Variants in CCDC148 observed in about 807,000 individuals in gnomAD.
CCDC148 encodes coiled-coil domain containing 148, also known as coiled-coil domain-containing protein 148.
In CCDC148, 89 loss-of-function variants were observed where a neutral mutation model predicts 85.7. The ratio of observed to expected loss-of-function variants is 1.04; its 90% confidence interval spans 0.87 to 1.24. The LOEUF is 1.24. Among genes scored for constraint, CCDC148 ranks in the 50% most tolerant of loss-of-function variants. The pLI is 0.00. For missense variants in CCDC148, 692 were observed against 671.7 expected (o/e 1.03, Z -0.33); for synonymous variants, 230 against 213.9 (o/e 1.08, Z -0.66).
At chr2:158,286,935 T>A (rs1690655631) in intron 9 of CCDC148, among the ~76,000 whole-genome samples, 1 of 152,084 alleles carries the variant, frequency 6.6e-6, no homozygotes, top group Non-Finnish European at 1.5e-5. Context: ...ATGCTGCTGA[T>A]AAAGGTATAC....
In CCDC148 at chr2:158,197,593, T is replaced by G. The variant is rs368515018; in HGVS notation, c.1371-18597A>C. On this transcript the variant is annotated intron_variant, in intron 11 of 13. Transcript: ENST00000283233. ...TCTGATAAAGTCACTGAAGTTATTT[T>G]GCTGGAGAGCATAAGAGAGCCTCTA... 3.0e-4 allele frequency among the ~76,000 whole-genome samples: 46 copies of G among 152,320 alleles called. 1 individual carries two copies. Among genetic ancestry groups the G allele is most frequent in the African/African-American group, 1.0e-3 (42 of 41,578 alleles).
chr2:158,400,701 G>A (rs1685741180), intron 1 of CCDC148, among the ~76,000 whole-genome samples: 1 of 152,124 alleles, frequency 6.6e-6, no homozygotes, highest in Admixed American at 6.6e-5. Context: ...AGCCAAAATT[G>A]ACAAATGGGA....
intron 10 of CCDC148, among the ~76,000 whole-genome samples, chr2:158,246,993 T>A (rs1688595292): frequency 6.6e-6 from 1 of 152,128 alleles, no homozygotes; most frequent in Non-Finnish European, 1.5e-5. Context: ...GAAGCATAAT[T>A]CATAAGAAAC....
At chr2:158,432,144 T>A (rs1230011160) in intron 1 of CCDC148, among the ~76,000 whole-genome samples, 1 of 151,566 alleles carries the variant, frequency 6.6e-6, no homozygotes, top group South Asian at 2.1e-4. Flanking sequence ...AAATTATAAC[T>A]AATAATATCA....
chr2:158,271,814 A>AT (rs1477314720), intron 9 of CCDC148, among the ~76,000 whole-genome samples: 1 of 152,134 alleles, frequency 6.6e-6, no homozygotes, highest in Non-Finnish European at 1.5e-5. Flanking sequence ...TGGAAATCAG[A>AT]TATGTGACTA....
chr2:158,171,250 G>C lies in CCDC148; in HGVS notation c.*863C>G, dbSNP rs1008315992. 6.6e-6 allele frequency: 1 copy of C among 151,758 alleles called. No homozygotes were observed. The highest frequency in any genetic ancestry group is 2.4e-5 in the African/African-American group (1 of 41,346). 9.4% of individuals were successfully genotyped at this position (151,758 alleles called of 1,614,324 possible). A position where few individuals can be genotyped will look rare whatever the true frequency, so the allele number is the denominator to read the frequency against. ...GGAGGTAGGTGGGAAATGTCAGGGA[G>C]CTGCAATAGACAGAAAAAGGAGTGG... On this transcript the variant is annotated 3_prime_UTR_variant, in exon 14 of 14. Coordinates refer to ENST00000283233, the MANE Select transcript of CCDC148 (RefSeq NM_138803.4).
intron 1 of CCDC148, among the ~76,000 whole-genome samples, chr2:158,364,198 A>G (rs746789256): frequency 3.3e-5 from 5 of 152,220 alleles, no homozygotes; most frequent in Non-Finnish European, 1.5e-5. Context: ...ATGCTCATGG[A>G]TAGGAAGAAT....
chr2:158,278,905 C>A (rs1002934870), intron 9 of CCDC148, among the ~76,000 whole-genome samples: 1 of 152,242 alleles, frequency 6.6e-6, no homozygotes, highest in African/African-American at 2.4e-5. Context: ...ACACCTCACA[C>A]AGCCGGGTAC....
intron 9 of CCDC148, among the ~76,000 whole-genome samples, chr2:158,291,435 C>T (rs150727227): frequency 1.3e-4 from 20 of 152,290 alleles, no homozygotes; most frequent in African/African-American, 4.6e-4. Flanking sequence ...AAATAAGAAC[C>T]ACTGAACTGC....
chr2:158,284,068 T>C (rs866446303), intron 9 of CCDC148, among the ~76,000 whole-genome samples: 26 of 140,976 alleles, frequency 1.8e-4, no homozygotes, highest in Middle Eastern at 3.8e-3. Context: ...TACGTGGGAA[T>C]TGAACAATGA....
At chr2:158,217,590 G>C (rs998021890) in intron 11 of CCDC148, among the ~76,000 whole-genome samples, 5 of 151,878 alleles carry the variant, frequency 3.3e-5, no homozygotes, top group African/African-American at 1.2e-4. Context: ...TTTTTTAGTA[G>C]AGACAGGGTT....
At chr2:158,333,766 C>G (rs567120441) in intron 7 of CCDC148, among the ~76,000 whole-genome samples, 27 of 151,862 alleles carry the variant, frequency 1.8e-4, no homozygotes, top group African/African-American at 6.5e-4. Flanking sequence ...TTACCTATTT[C>G]TAGGTTCTTT....
chr2:158,374,768 A>G (rs1684589040), intron 1 of CCDC148, among the ~76,000 whole-genome samples: 1 of 152,004 alleles, frequency 6.6e-6, no homozygotes, highest in African/African-American at 2.4e-5. Context: ...TACTACATAC[A>G]GTCATCTCTC....
chr2:158,209,315 C>T (rs1686427727), intron 11 of CCDC148, among the ~76,000 whole-genome samples: 1 of 152,080 alleles, frequency 6.6e-6, no homozygotes, highest in Admixed American at 6.6e-5. Flanking sequence ...CCTACCTAGC[C>T]CTGCAGCTTT....
chr2:158,342,507 C>T (rs1313046485), intron 3 of CCDC148, among the ~76,000 whole-genome samples: 4 of 152,136 alleles, frequency 2.6e-5, no homozygotes. Flanking sequence ...TATTCCAGAA[C>T]AGATTTGTTT....
intron 9 of CCDC148, among the ~76,000 whole-genome samples, chr2:158,298,439 C>T (rs576533947): frequency 2.6e-5 from 4 of 152,150 alleles, no homozygotes; most frequent in African/African-American, 7.2e-5. Context: ...TCAATACTGC[C>T]TCTATTTTAT....
At chr2:158,265,885 G>A (rs1318368213) in intron 9 of CCDC148, among the ~76,000 whole-genome samples, 2 of 152,034 alleles carry the variant, frequency 1.3e-5, no homozygotes, top group East Asian at 3.9e-4. Flanking sequence ...CCTAAGCCAA[G>A]AGCCACCCTA....
At chr2:158,231,822 T>C (rs538089471) in intron 10 of CCDC148, among the ~76,000 whole-genome samples, 2 of 152,256 alleles carry the variant, frequency 1.3e-5, no homozygotes, top group African/African-American at 4.8e-5. Context: ...GGCCAACAGT[T>C]TTCTTTTCAG....
chr2:158,307,018 CAAA>C (rs56030055), intron 9 of CCDC148, among the ~76,000 whole-genome samples: 81 of 134,266 alleles, frequency 6.0e-4, no homozygotes, highest in Non-Finnish European at 3.5e-4. Context: ...GACTCCATCT[CAAA>C]AAAAAAAAAA....
Sources: allele counts gnomAD v4.1 joint callset (sites outside exome capture counted in the v4.1 genomes callset), GRCh38; gene constraint gnomAD v4.1.1; transcripts MANE v1.5; gene names NCBI Gene and HGNC (gene_info 2026-07-23, HGNC 2026-07-21).